Variants in ETV5 observed in about 807,000 individuals in gnomAD.
ETV5 encodes the protein ETS translocation variant 5.
Under a neutral mutation model 70.0 loss-of-function variants are expected in ETV5, and 10 were observed. The ratio of observed to expected loss-of-function variants is 0.14; its 90% confidence interval spans 0.09 to 0.24. ETV5 has a LOEUF of 0.24. Ranked by LOEUF, ETV5 falls within the 10% of genes least tolerant of loss-of-function variation. ETV5 has a pLI of 1.00. For missense variants in ETV5, 453 were observed against 651.2 expected (o/e 0.70, Z 3.31); for synonymous variants, 216 against 242.2 (o/e 0.89, Z 1.01).
intron 11 of ETV5, among the ~76,000 whole-genome samples, chr3:186,056,853 C>T (rs1047436828): frequency 9.2e-5 from 14 of 152,150 alleles, no homozygotes; most frequent in African/African-American, 3.4e-4. Flanking sequence ...AGAAGTGTTA[C>T]AAATACTTTT....
chr3:186,088,534 A>G (rs1157046700), intron 5 of ETV5, among the ~76,000 whole-genome samples: 1 of 152,204 alleles, frequency 6.6e-6, no homozygotes, highest in Non-Finnish European at 1.5e-5. Flanking sequence ...TACATACTGC[A>G]TAGTCCAAGA....
At position 186,098,578 on chromosome 3, in the gene ETV5, G is replaced by A. The variant is rs114869295; in HGVS notation, c.232+6727C>T. Among the ~76,000 whole-genome samples the A allele has an allele frequency of 9.5e-3, 1,454 of 152,298 alleles. 17 individuals are homozygous for A. The highest frequency in any genetic ancestry group is 0.033 in the African/African-American group (1,370 of 41,574). On this transcript the variant is annotated intron_variant, in intron 5 of 12. Transcript: ENST00000306376. ...TCATGAGACATCAAAAGGGAAGAAT[G>A]TGGAGATCTAAGGTTGGAGGGTGAA... is the stretch of plus-strand genomic sequence containing the variant.
intron 9 of ETV5, among the ~76,000 whole-genome samples, chr3:186,058,426 C>A (rs1237771601): frequency 6.6e-6 from 1 of 152,202 alleles, no homozygotes; most frequent in Non-Finnish European, 1.5e-5. Context: ...TGCCCCAGGG[C>A]TCCTGTCTGA....
At chr3:186,067,175 C>A (rs1713467460) in intron 7 of ETV5, among the ~76,000 whole-genome samples, 1 of 152,212 alleles carries the variant, frequency 6.6e-6, no homozygotes, top group East Asian at 1.9e-4. Flanking sequence ...TGGCTCATGC[C>A]TGTAATCCCA....
In ETV5 at chr3:186,046,848, T is replaced by C. The variant is rs1712891669; in HGVS notation, c.*1791A>G. On this transcript the variant is annotated 3_prime_UTR_variant, in exon 13 of 13. Transcript: ENST00000306376. ...TTTAGAAAGAGTCCTTTGATTAGAG[T>C]ACAATGCTAATTAAGGCCCAATCTA... The C allele has an allele frequency of 4.3e-6, 1 of 231,498 alleles. No individual in the cohort carries two copies. Among genetic ancestry groups the C allele is most frequent in the Non-Finnish European group, 8.6e-6 (1 of 116,788 alleles). The allele number at this position is 231,498 out of a possible 1,614,324, so 14.3% of individuals were successfully genotyped here. A position where few individuals can be genotyped will look rare whatever the true frequency, so the allele number is the denominator to read the frequency against.
chr3:186,073,095 G>A (rs553206271), intron 7 of ETV5, among the ~76,000 whole-genome samples: 31 of 152,244 alleles, frequency 2.0e-4, no homozygotes, highest in East Asian at 1.4e-3. Flanking sequence ...CTGCACCACT[G>A]CACTCCAGCC....
At chr3:186,085,097 G>A (rs1290696991) in intron 5 of ETV5, among the ~76,000 whole-genome samples, 1 of 150,894 alleles carries the variant, frequency 6.6e-6, no homozygotes, top group African/African-American at 2.5e-5. Flanking sequence ...TTACGAACAC[G>A]AAAACAAGGC....
chr3:186,083,017 G>A (rs1361627637), intron 5 of ETV5, among the ~76,000 whole-genome samples: 2 of 152,208 alleles, frequency 1.3e-5, no homozygotes, highest in African/African-American at 2.4e-5. Flanking sequence ...AGTTTCTCTC[G>A]TGATTTTTTG....
chr3:186,055,651 C>T (rs1278537744), intron 11 of ETV5, among the ~76,000 whole-genome samples: 1 of 152,210 alleles, frequency 6.6e-6, no homozygotes, highest in East Asian at 1.9e-4. Context: ...GCCTTCTTCT[C>T]CTATCAATCA....
intron 12 of ETV5, among the ~76,000 whole-genome samples, chr3:186,049,659 T>A (rs1712977249): frequency 6.6e-6 from 1 of 152,186 alleles, no homozygotes; most frequent in African/African-American, 2.4e-5. Flanking sequence ...CATTTTAGAT[T>A]TAAAAATGCA....
At chr3:186,084,297 A>C (rs1307367984) in intron 5 of ETV5, 1 of 410,226 alleles carries the variant, frequency 2.4e-6, no homozygotes, top group East Asian at 7.5e-5. Context: ...AAAAAAAAAA[A>C]AAAAAAAAGT....
chr3:186,069,588 C>T (rs146193522), intron 7 of ETV5, among the ~76,000 whole-genome samples: 5 of 151,078 alleles, frequency 3.3e-5, no homozygotes, highest in African/African-American at 9.7e-5. Flanking sequence ...TGCAGTGACT[C>T]GAGTGACTCG....
chr3:186,105,253 C>G lies in ETV5; in HGVS notation c.232+52G>C, dbSNP rs1714560572. Reference sequence around the variant, plus strand: ...AAAGCATATTCTAGACATGGATGATCTAAGACCAAACAATTTCAGAACAAA... The same window carrying G: ...AAAGCATATTCTAGACATGGATGATGTAAGACCAAACAATTTCAGAACAAA... On this transcript the variant is annotated intron_variant, in intron 5 of 12. Coordinates refer to ENST00000306376, the MANE Select transcript of ETV5 (RefSeq NM_004454.3). The surrounding 1 kb of genome is among the most constrained non-coding windows in gnomAD (Gnocchi z 4.5). 3 of 1,536,262 alleles carry G rather than the reference C, an allele frequency of 2.0e-6. No individual in the cohort carries two copies. The Admixed American group carries it at 5.3e-5, about 27-fold the overall frequency.
At position 186,065,985 on chromosome 3, in the gene ETV5, T is replaced by G; in HGVS notation, c.738A>C (p.Gln246His). 6.2e-7 allele frequency: 1 copy of G among 1,610,882 alleles called. No homozygotes were observed. The highest frequency in any genetic ancestry group is 8.5e-7 in the Non-Finnish European group (1 of 1,178,498). ...CTGCAGGGACAATAGGTTCTGACAT[T>G]TGCCGATGGTAACTGGGGCGATTAT... ...PGDNRPSYHR[Q>H]MSEPIVPAAP... Residue 246 changes from glutamine to histidine, a missense_variant, in exon 8 of 13, where the codon CAA (glutamine) becomes CAC (histidine). Coordinates refer to ENST00000306376, the MANE Select transcript of ETV5 (RefSeq NM_004454.3).
intron 7 of ETV5, among the ~76,000 whole-genome samples, chr3:186,079,518 A>C (rs530465334): frequency 2.4e-4 from 36 of 152,318 alleles, no homozygotes; most frequent in African/African-American, 8.7e-4. Flanking sequence ...GTGAGGGACA[A>C]GACTATCCTG....
chr3:186,055,142 A>G (rs1713126406), intron 11 of ETV5, among the ~76,000 whole-genome samples: 1 of 152,208 alleles, frequency 6.6e-6, no homozygotes, highest in South Asian at 2.1e-4. Context: ...AGAAGATTCA[A>G]TAACAGCTTT....
chr3:186,063,687 T>C (rs1713365222), intron 9 of ETV5, among the ~76,000 whole-genome samples: 1 of 152,166 alleles, frequency 6.6e-6, no homozygotes, highest in Non-Finnish European at 1.5e-5. Context: ...TTTTTAAAAA[T>C]CCAATGAGAA....
chr3:186,100,735 T>C (rs1714432382), intron 5 of ETV5, among the ~76,000 whole-genome samples: 1 of 152,232 alleles, frequency 6.6e-6, no homozygotes, highest in Non-Finnish European at 1.5e-5. Context: ...AATGGGGTCA[T>C]TTGGATCTTA....
intron 5 of ETV5, among the ~76,000 whole-genome samples, chr3:186,099,841 T>G (rs1169153485): frequency 6.6e-6 from 1 of 152,202 alleles, no homozygotes; most frequent in African/African-American, 2.4e-5. Context: ...TTGACACAGA[T>G]GTAACTCCCC....
Sources: gnomAD v4.1 joint callset for allele counts (sites outside exome capture counted in the v4.1 genomes callset) on GRCh38, gnomAD v4.1.1 for gene constraint, Gnocchi (gnomAD v3.1) non-coding constraint, MANE v1.5 for transcripts, NCBI Gene and HGNC (gene_info 2026-07-23, HGNC 2026-07-21) for gene names.